RGS6: variants seen among roughly 807,000 people sequenced by gnomAD.
The protein encoded by RGS6 is regulator of G protein signaling 6.
Under a neutral mutation model 78.5 loss-of-function variants are expected in RGS6, and 30 were observed. The observed-to-expected ratio is 0.38, with a 90% CI of 0.29 to 0.52. RGS6 has a LOEUF of 0.52. Among genes scored for constraint, RGS6 ranks in the 20% least tolerant of loss-of-function variants. The pLI, the probability that RGS6 is intolerant of heterozygous loss-of-function variation, is 0.85. For missense variants in RGS6, 495 were observed against 609.7 expected, an observed-to-expected ratio of 0.81 and a Z score of 1.98; for synonymous variants, 206 against 206.0, an observed-to-expected ratio of 1.00 and a Z score of 0.00.
chr14:72,360,549 A>G (rs2081247188), intron 3 of RGS6, among the ~76,000 whole-genome samples: 1 of 151,528 alleles, frequency 6.6e-6, no homozygotes, highest in African/African-American at 2.4e-5. Context: ...AAAACAAAAA[A>G]GGAAGAAAGG....
upstream of RGS6, among the ~76,000 whole-genome samples, chr14:71,928,096 A>G (rs1440627910): frequency 6.6e-6 from 1 of 152,130 alleles, no homozygotes; most frequent in Non-Finnish European, 1.5e-5. Context: ...GACTCAAGCA[A>G]TCCTCCTGCC....
intron 3 of RGS6, among the ~76,000 whole-genome samples, chr14:72,422,872 G>A (rs193055796): frequency 4.7e-4 from 71 of 152,352 alleles, no homozygotes; most frequent in Middle Eastern, 3.4e-3. Flanking sequence ...AAGGAGCACC[G>A]AGGATGCTCA....
chr14:71,888,431 A>AG, the RGS6 span, among the ~76,000 whole-genome samples: 1,548 of 143,548 alleles, frequency 0.011, 13 homozygotes, highest in South Asian at 0.02. Context: ...AAAAAAAAAA[A>AG]AAGAAGAAGA....
chr14:72,556,636 C>T (rs2097579930), intron 17 of RGS6, among the ~76,000 whole-genome samples: 1 of 130,552 alleles, frequency 7.7e-6, no homozygotes, highest in Non-Finnish European at 1.5e-5. Flanking sequence ...GTTTACACCA[C>T]ACACAGCCTG....
At chr14:72,403,400 G>A (rs937686380) in intron 3 of RGS6, among the ~76,000 whole-genome samples, 2 of 152,180 alleles carry the variant, frequency 1.3e-5, no homozygotes, top group South Asian at 2.1e-4. Flanking sequence ...CTGAAAAACA[G>A]TTGATCTCAT....
rs1383422705 is a variant in RGS6, at chr14:72,547,210, G to A, written c.1422+7116G>A. On this transcript the variant is annotated intron_variant, in intron 17 of 17. Coordinates refer to ENST00000553525, the MANE Select transcript of RGS6 (RefSeq NM_001204424.2). ...GAGCAGCAGCACCGCAGCAGAGGGG[G>A]CCAGAGAAAGAGCATCCAATGGCAG... is the stretch of plus-strand genomic sequence containing the variant. 3.3e-6 allele frequency: 5 copies of A among 1,535,330 alleles called. No individual in the cohort carries two copies. The South Asian group carries it at 3.6e-5, about 11-fold the overall frequency.
In RGS6 at chr14:72,563,973, T is replaced by C. The variant is rs974514507; in HGVS notation, c.*1506T>C. The C allele has an allele frequency of 3.3e-5, 5 of 152,220 alleles. No homozygotes were observed. Among genetic ancestry groups the C allele is most frequent in the Admixed American group, 2.0e-4 (3 of 15,286 alleles). 9.4% of individuals were successfully genotyped at this position (152,220 alleles called of 1,614,324 possible). A position where few individuals can be genotyped will look rare whatever the true frequency, so the allele number is the denominator to read the frequency against. The stretch of plus-strand genomic sequence containing the variant: ...ATAAAGCGATCGCTGGTATTTCTTT[T>C]CTCATGCAGCCAAATTCGCCAGCTG... On this transcript the variant is annotated 3_prime_UTR_variant, in exon 18 of 18. Transcript: ENST00000553525.
At chr14:72,383,506 C>T (rs1370117029) in intron 3 of RGS6, among the ~76,000 whole-genome samples, 1 of 152,020 alleles carries the variant, frequency 6.6e-6, no homozygotes, top group African/African-American at 2.4e-5. Flanking sequence ...AAACCTGCAA[C>T]GTGATCCATT....
At chr14:71,914,347 T>G in the RGS6 span, among the ~76,000 whole-genome samples, 1 of 152,210 alleles carries the variant, frequency 6.6e-6, no homozygotes, top group Non-Finnish European at 1.5e-5. Context: ...TTGCTTTGGT[T>G]GTCCTGGGCT....
chr14:72,540,514 T>G, intron 17 of RGS6: 6 of 1,556,498 alleles, frequency 3.9e-6, no homozygotes, highest in Admixed American at 2.0e-5. Context: ...AAGCCAAAAT[T>G]TCCCTCTGTG....
At position 72,110,207 on chromosome 14, in the gene RGS6, C is replaced by T. The variant is rs186527432; in HGVS notation, c.84+145332C>T. 2.7e-3 allele frequency among the ~76,000 whole-genome samples: 407 copies of T among 152,300 alleles called. 1 individual carries two copies. Among genetic ancestry groups the T allele is most frequent in the African/African-American group, 9.1e-3 (377 of 41,566 alleles). On this transcript the variant is annotated intron_variant, in intron 2 of 17. Coordinates refer to ENST00000553525, the MANE Select transcript of RGS6 (RefSeq NM_001204424.2). ...ATACATATTCTTATTTAACCCTCAC[C>T]ACCTGGCAAAGCATTGTCCTCATCT...
At chr14:71,930,649 C>T (rs2087798717), upstream of RGS6, among the ~76,000 whole-genome samples, 2 of 152,000 alleles carry the variant, frequency 1.3e-5, no homozygotes, top group Admixed American at 1.3e-4. Context: ...ATTATTCCTT[C>T]ATGCTGTACT....
intron 2 of RGS6, among the ~76,000 whole-genome samples, chr14:72,159,344 C>T (rs2096820886): frequency 6.6e-6 from 1 of 152,124 alleles, no homozygotes; most frequent in Non-Finnish European, 1.5e-5. Flanking sequence ...GGGATGGCCT[C>T]CGGGCAGAGT....
intron 5 of RGS6, among the ~76,000 whole-genome samples, chr14:72,459,179 C>T (rs985634595): frequency 1.3e-5 from 2 of 152,158 alleles, no homozygotes; most frequent in East Asian, 3.9e-4. Context: ...ACCCTCCCCA[C>T]CCATTTCACA....
At chr14:72,197,600 T>A (rs924789259) in intron 2 of RGS6, among the ~76,000 whole-genome samples, 1 of 152,352 alleles carries the variant, frequency 6.6e-6, no homozygotes, top group South Asian at 2.1e-4. Flanking sequence ...ATAGTATTTT[T>A]AAAAATTAAA....
chr14:72,147,232 C>G (rs7143078), intron 2 of RGS6, among the ~76,000 whole-genome samples: 76,588 of 152,112 alleles, frequency 0.5, 19,418 homozygotes, highest in Middle Eastern at 0.55. Flanking sequence ...CAGCCTCTAC[C>G]TATTACTAAA....
At chr14:71,929,235 G>C (rs1050218848), upstream of RGS6, among the ~76,000 whole-genome samples, 5 of 152,148 alleles carry the variant, frequency 3.3e-5, no homozygotes, top group African/African-American at 1.2e-4. Flanking sequence ...GTCATTTATA[G>C]GTTTTGGATC....
chr14:72,330,002 C>G (rs1015099936), intron 2 of RGS6, among the ~76,000 whole-genome samples: 1 of 152,234 alleles, frequency 6.6e-6, no homozygotes, highest in African/African-American at 2.4e-5. Flanking sequence ...GAACTATAAA[C>G]TTGGATGGCA....
chr14:72,398,820 A>T (rs1199473947), intron 3 of RGS6, among the ~76,000 whole-genome samples: 2 of 152,198 alleles, frequency 1.3e-5, no homozygotes, highest in Admixed American at 6.5e-5. Flanking sequence ...CCCAGTAGCC[A>T]TTCAGCAGCA....
Sources: allele counts gnomAD v4.1 joint callset (sites outside exome capture counted in the v4.1 genomes callset), GRCh38; gene constraint gnomAD v4.1.1; transcripts MANE v1.5; gene names NCBI Gene and HGNC (gene_info 2026-07-23, HGNC 2026-07-21).